ELP4: variants seen among roughly 807,000 people sequenced by gnomAD.
The protein encoded by ELP4 is elongator complex protein 4.
A neutral mutation model predicts 48.9 loss-of-function variants in ELP4; 51 were observed. That is an observed-to-expected ratio of 1.04 (90% confidence interval 0.83 to 1.32). ELP4 has a LOEUF of 1.32. Among genes scored for constraint, ELP4 ranks in the 40% most tolerant of loss-of-function variants. ELP4 has a pLI of 0.00. For synonymous variants in ELP4, 210 were observed against 189.2 expected (o/e 1.11, Z -0.90); for missense variants, 519 against 514.6 (o/e 1.01, Z -0.08).
intron 3 of ELP4, among the ~76,000 whole-genome samples, chr11:31,583,733 T>C (rs1226972834): frequency 6.6e-6 from 1 of 152,230 alleles, no homozygotes; most frequent in African/African-American, 2.4e-5. Context: ...AAACTTCATA[T>C]AGTAAACAAT....
chr11:31,530,316 C>G (rs1592086960), intron 2 of ELP4, among the ~76,000 whole-genome samples: 1 of 152,006 alleles, frequency 6.6e-6, no homozygotes, highest in East Asian at 1.9e-4. Flanking sequence ...TAGTGACTAG[C>G]AAAAAGTACA....
At chr11:31,745,092 A>G (rs554345523) in intron 9 of ELP4, among the ~76,000 whole-genome samples, 1 of 152,364 alleles carries the variant, frequency 6.6e-6, no homozygotes, top group Non-Finnish European at 1.5e-5. Context: ...CTTATACACC[A>G]TTAACAGACA....
chr11:31,749,704 A>G (rs1429444986), intron 9 of ELP4, among the ~76,000 whole-genome samples: 1 of 152,210 alleles, frequency 6.6e-6, no homozygotes, highest in Non-Finnish European at 1.5e-5. Context: ...AGAAATACTG[A>G]AAAAAATAAA....
chr11:31,515,093 G>A (rs1285409009), intron 1 of ELP4, among the ~76,000 whole-genome samples: 1 of 150,142 alleles, frequency 6.7e-6, no homozygotes, highest in Non-Finnish European at 1.5e-5. Context: ...AACACATAGA[G>A]TAAAAGCTTG....
chr11:31,714,712 C>T (rs1452196786), intron 9 of ELP4: 1 of 398,480 alleles, frequency 2.5e-6, no homozygotes, highest in African/African-American at 2.1e-5. Context: ...CCTTTTCCAG[C>T]TTCTAGAGGT....
chr11:31,650,130 G>T lies in ELP4; in HGVS notation c.1052G>T (p.Arg351Leu). The change falls in exon 9 of 10, where the codon CGG becomes CTG. Residue 351 changes from arginine (R) to leucine (L), a missense_variant. Physicochemically the swap from Arg to Leu is moderately radical, Grantham distance 102. Coordinates refer to ENST00000640961, the MANE Select transcript of ELP4 (RefSeq NM_019040.5). ...TTTCCACAAGGATTGATTCATATAC[G>T]GCAGATTCCTCGGCTTAATAACTTG... ...YKDYHGLIHI[R>L]QIPRLNNLIC... The T allele has an allele frequency of 6.9e-7, 1 of 1,455,862 alleles. No individual in the cohort carries two copies. Among genetic ancestry groups the T allele is most frequent in the Non-Finnish European group, 9.5e-7 (1 of 1,047,836 alleles). 90.2% of individuals were successfully genotyped at this position (1,455,862 alleles called of 1,614,324 possible). A position where few individuals can be genotyped will look rare whatever the true frequency, so the allele number is the denominator to read the frequency against.
At chr11:31,728,396 G>T (rs1245819408) in intron 9 of ELP4, among the ~76,000 whole-genome samples, 4 of 152,112 alleles carry the variant, frequency 2.6e-5, no homozygotes, top group African/African-American at 4.8e-5. Flanking sequence ...AAAAAATTAA[G>T]TATTTCAAGT....
At chr11:31,759,035 C>G (rs1477619039) in intron 9 of ELP4, among the ~76,000 whole-genome samples, 1 of 152,114 alleles carries the variant, frequency 6.6e-6, no homozygotes, top group African/African-American at 2.4e-5. Flanking sequence ...TTGTGACTTA[C>G]TTTCTTCCAT....
At chr11:31,595,214 G>A (rs1365458682) in intron 4 of ELP4, among the ~76,000 whole-genome samples, 1 of 152,152 alleles carries the variant, frequency 6.6e-6, no homozygotes, top group Non-Finnish European at 1.5e-5. Flanking sequence ...TTCAATGTAA[G>A]TGATGGTTCT....
intron 5 of ELP4, among the ~76,000 whole-genome samples, chr11:31,608,911 C>G (rs1168477108): frequency 1.3e-5 from 2 of 152,034 alleles, no homozygotes; most frequent in Non-Finnish European, 2.9e-5. Context: ...GCAGAGTTAC[C>G]CTGGGCTCTG....
chr11:31,586,804 G>A (rs185562606), intron 3 of ELP4, among the ~76,000 whole-genome samples: 5 of 151,914 alleles, frequency 3.3e-5, no homozygotes, highest in African/African-American at 9.6e-5. Context: ...CACCACGCCC[G>A]GCTAATTTTG....
intron 1 of ELP4, among the ~76,000 whole-genome samples, chr11:31,514,492 A>G (rs934781380): frequency 1.3e-5 from 2 of 152,180 alleles, no homozygotes; most frequent in African/African-American, 4.8e-5. Context: ...AGTGACTTAG[A>G]AAGTGTGTTG....
At chr11:31,668,091 G>A (rs567816746) in intron 9 of ELP4, among the ~76,000 whole-genome samples, 1 of 152,234 alleles carries the variant, frequency 6.6e-6, no homozygotes, top group South Asian at 2.1e-4. Flanking sequence ...TTATTGAATA[G>A]AGATTATCCA....
intron 9 of ELP4, among the ~76,000 whole-genome samples, chr11:31,704,010 A>G (rs1946578477): frequency 6.6e-6 from 1 of 152,224 alleles, no homozygotes; most frequent in Non-Finnish European, 1.5e-5. Context: ...ATCTGATAGT[A>G]ACAATATTGT....
chr11:31,545,319 G>A (rs1262793182), intron 3 of ELP4, among the ~76,000 whole-genome samples: 1 of 152,200 alleles, frequency 6.6e-6, no homozygotes, highest in East Asian at 1.9e-4. Flanking sequence ...GCCAAGGCTC[G>A]AGAACTATGT....
intron 9 of ELP4, among the ~76,000 whole-genome samples, chr11:31,717,090 A>AG (rs1946856863): frequency 6.6e-6 from 1 of 152,186 alleles, no homozygotes; most frequent in Admixed American, 6.5e-5. Context: ...AGGAAAAAAA[A>AG]ATGAATGAGA....
intron 3 of ELP4, among the ~76,000 whole-genome samples, chr11:31,549,309 A>G (rs1956794320): frequency 6.6e-6 from 1 of 152,078 alleles, no homozygotes. Flanking sequence ...AAATAACCCC[A>G]TCAATAAGTG....
At chr11:31,618,509 A>G (rs1015313340) in intron 5 of ELP4, among the ~76,000 whole-genome samples, 14 of 152,102 alleles carry the variant, frequency 9.2e-5, no homozygotes, top group Admixed American at 7.2e-4. Flanking sequence ...AATCCTGCCC[A>G]TGATGGTGGA....
At chr11:31,561,779 C>A (rs1565054262) in intron 3 of ELP4, among the ~76,000 whole-genome samples, 2 of 152,178 alleles carry the variant, frequency 1.3e-5, no homozygotes, top group South Asian at 2.1e-4. Context: ...ATAATACAGT[C>A]TTTACATTAT....
Sources: gnomAD v4.1 joint callset for allele counts (sites outside exome capture counted in the v4.1 genomes callset) on GRCh38, gnomAD v4.1.1 for gene constraint, MANE v1.5 for transcripts, NCBI Gene and HGNC (gene_info 2026-07-23, HGNC 2026-07-21) for gene names.